Variants in ADGRG6 observed in about 807,000 individuals in gnomAD.
ADGRG6 encodes the protein adhesion G protein-coupled receptor G6.
ADGRG6 carries 84 observed loss-of-function variants against 142.4 expected under a neutral mutation model. That is an observed-to-expected ratio of 0.59 (90% CI 0.49 to 0.71). ADGRG6 has a LOEUF of 0.71. Ranked by LOEUF, ADGRG6 falls within the 30% of genes least tolerant of loss-of-function variation. The pLI, the probability that ADGRG6 is intolerant of heterozygous loss-of-function variation, is 0.00. For synonymous variants in ADGRG6, 521 were observed against 520.5 expected, an observed-to-expected ratio of 1.00 and a Z score of -0.01; for missense variants, 1,367 against 1,466.6, an observed-to-expected ratio of 0.93 and a Z score of 1.11.
intron 2 of ADGRG6, among the ~76,000 whole-genome samples, chr6:142,350,755 T>C (rs1047817766): frequency 6.6e-6 from 1 of 152,308 alleles, no homozygotes; most frequent in East Asian, 1.9e-4. Flanking sequence ...TCTTCTACCA[T>C]AGGAAAATTC....
chr6:142,437,661 C>A (rs777684309), intron 23 of ADGRG6, 126 bp downstream of exon 23: 1 of 620,082 alleles, frequency 1.6e-6, no homozygotes, highest in Non-Finnish European at 2.9e-6. Flanking sequence ...TGTGAAGATG[C>A]GTAGTTGGAA....
intron 2 of ADGRG6, among the ~76,000 whole-genome samples, chr6:142,354,413 T>C (rs1324166281): frequency 6.6e-6 from 1 of 151,982 alleles, no homozygotes; most frequent in Admixed American, 6.6e-5. Context: ...ACAAAAAAAC[T>C]TTTGAGTTTT....
At chr6:142,333,785 C>T (rs1425636913) in intron 2 of ADGRG6, among the ~76,000 whole-genome samples, 2 of 152,050 alleles carry the variant, frequency 1.3e-5, no homozygotes, top group African/African-American at 2.4e-5. Context: ...TATCCATGTC[C>T]CTGGTACATT....
intron 4 of ADGRG6, among the ~76,000 whole-genome samples, chr6:142,379,285 A>G (rs539612166): frequency 2.0e-5 from 3 of 152,108 alleles, no homozygotes; most frequent in Non-Finnish European, 2.9e-5. Context: ...TATGCATTCT[A>G]TCTTTAAATT....
At chr6:142,335,555 G>A (rs1779270742) in intron 2 of ADGRG6, among the ~76,000 whole-genome samples, 1 of 152,082 alleles carries the variant, frequency 6.6e-6, no homozygotes, top group African/African-American at 2.4e-5. Flanking sequence ...GGGAAAGGAG[G>A]TTGTCTTGTC....
At chr6:142,352,047 C>T (rs1780207603) in intron 2 of ADGRG6, among the ~76,000 whole-genome samples, 1 of 152,152 alleles carries the variant, frequency 6.6e-6, no homozygotes, top group South Asian at 2.1e-4. Flanking sequence ...CTGTGGAAAA[C>T]AGTGTGGAGA....
At chr6:142,375,814 A>G in intron 4 of ADGRG6, among the ~76,000 whole-genome samples, 1 of 152,200 alleles carries the variant, frequency 6.6e-6, no homozygotes. Flanking sequence ...AAAGTAACAT[A>G]GTAGAATTGA....
At chr6:142,443,297 A>C in intron 24 of ADGRG6, 40 bp from the exon 25 acceptor site, 1 of 1,462,404 alleles carries the variant, frequency 6.8e-7, no homozygotes, top group South Asian at 1.2e-5. Flanking sequence ...GCATGCCACC[A>C]GCTCATCTTG....
At chr6:142,371,718 C>T (rs548490550) in intron 4 of ADGRG6, among the ~76,000 whole-genome samples, 1 of 152,052 alleles carries the variant, frequency 6.6e-6, no homozygotes, top group Admixed American at 6.6e-5. Context: ...ATCTCCTGAC[C>T]TCGTGATCGG....
intron 22 of ADGRG6, among the ~76,000 whole-genome samples, chr6:142,428,223 T>C (rs1351988948): frequency 6.6e-6 from 1 of 152,268 alleles, no homozygotes; most frequent in African/African-American, 2.4e-5. Flanking sequence ...ATATGCTTTA[T>C]TTTTATTTTT....
intron 20 of ADGRG6, among the ~76,000 whole-genome samples, chr6:142,416,795 A>G (rs542566889): frequency 2.0e-5 from 3 of 152,290 alleles, no homozygotes; most frequent in Admixed American, 6.5e-5. Flanking sequence ...ACTTTATTCA[A>G]TCTCTGGGGA....
intron 2 of ADGRG6, among the ~76,000 whole-genome samples, chr6:142,342,883 G>A (rs1016483147): frequency 1.3e-5 from 2 of 151,626 alleles, no homozygotes; most frequent in African/African-American, 4.8e-5. Flanking sequence ...TAAGTAAAAT[G>A]CTAAGAATAT....
intron 22 of ADGRG6, among the ~76,000 whole-genome samples, chr6:142,426,441 A>G (rs1776950379): frequency 6.6e-6 from 1 of 152,178 alleles, no homozygotes; most frequent in Non-Finnish European, 1.5e-5. Context: ...CTGATGCAAG[A>G]GGTGGGTTCC....
intron 9 of ADGRG6, among the ~76,000 whole-genome samples, chr6:142,396,170 C>T (rs1223974426): frequency 6.6e-6 from 1 of 152,152 alleles, no homozygotes; most frequent in Non-Finnish European, 1.5e-5. Context: ...GGTCACATTC[C>T]CAGCTGTAAG....
intron 1 of ADGRG6, among the ~76,000 whole-genome samples, chr6:142,306,588 TAGG>T (rs1227564338): frequency 2.6e-5 from 4 of 152,120 alleles, no homozygotes; most frequent in African/African-American, 9.7e-5. Context: ...CTTCCAGATA[TAGG>T]AGTCTATGAC....
chr6:142,421,988 T>C (rs552662884), intron 22 of ADGRG6, among the ~76,000 whole-genome samples: 44 of 152,280 alleles, frequency 2.9e-4, no homozygotes, highest in Admixed American at 1.0e-3. Context: ...GAAATTTACT[T>C]AATGGTTTTT....
At chr6:142,412,613 A>G (rs901296801) in intron 18 of ADGRG6, among the ~76,000 whole-genome samples, 5 of 152,212 alleles carry the variant, frequency 3.3e-5, no homozygotes, top group Non-Finnish European at 7.3e-5. Flanking sequence ...CTTTTTAACT[A>G]TCTAAAATAC....
At chr6:142,325,035 G>A (rs572684044) in intron 2 of ADGRG6, among the ~76,000 whole-genome samples, 1 of 152,212 alleles carries the variant, frequency 6.6e-6, no homozygotes, top group South Asian at 2.1e-4. Context: ...TACATTGGGA[G>A]CATATTTACT....
At chr6:142,365,453 A>G (rs1419029575) in intron 2 of ADGRG6, among the ~76,000 whole-genome samples, 1 of 152,104 alleles carries the variant, frequency 6.6e-6, no homozygotes, top group Non-Finnish European at 1.5e-5. Context: ...AGAATGGCAA[A>G]TATGACAGTC....
Sources: allele counts gnomAD v4.1 joint callset (sites outside exome capture counted in the v4.1 genomes callset), GRCh38; gene constraint gnomAD v4.1.1; transcripts MANE v1.5; gene names NCBI Gene and HGNC (gene_info 2026-07-23, HGNC 2026-07-21).